CDH1: variants seen among roughly 807,000 people sequenced by gnomAD.
CDH1 encodes cadherin-1.
A neutral mutation model predicts 84.5 loss-of-function variants in CDH1; 35 were observed. The observed-to-expected ratio is 0.41, with a 90% CI of 0.32 to 0.55. The LOEUF (loss-of-function observed/expected upper bound fraction) is 0.55. Ranked by LOEUF, CDH1 falls within the 20% of genes least tolerant of loss-of-function variation. The probability of loss-of-function intolerance (pLI) is 0.19; values close to 1 mark genes in which losing one functional copy is unlikely to be tolerated. For missense variants in CDH1, 994 were observed against 1,126.6 expected (o/e 0.88, Z 1.68); for synonymous variants, 417 against 439.0 (o/e 0.95, Z 0.63).
intron 2 of CDH1, among the ~76,000 whole-genome samples, chr16:68,793,544 C>T (rs1960269193): frequency 6.6e-6 from 1 of 152,170 alleles, no homozygotes; most frequent in Non-Finnish European, 1.5e-5. Flanking sequence ...CAGCTTCCGT[C>T]ACTTCATAGC....
chr16:68,790,260 G>C (rs1960171886), intron 2 of CDH1, among the ~76,000 whole-genome samples: 1 of 152,138 alleles, frequency 6.6e-6, no homozygotes, highest in African/African-American at 2.4e-5. Flanking sequence ...GGGGCATCAG[G>C]GAGAGAGAGG....
At chr16:68,773,813 C>T (rs1331462026) in intron 2 of CDH1, among the ~76,000 whole-genome samples, 2 of 152,226 alleles carry the variant, frequency 1.3e-5, no homozygotes, top group African/African-American at 4.8e-5. Flanking sequence ...TGCCACAGGG[C>T]TCTTCCTGTT....
At chr16:68,819,768 C>T (rs4783689) in intron 11 of CDH1, among the ~76,000 whole-genome samples, 46,734 of 151,940 alleles carry the variant, frequency 0.31, 8,751 homozygotes, top group South Asian at 0.48. Flanking sequence ...TATCGAACTC[C>T]GACTTCTAAG....
At chr16:68,794,294 G>A (rs1405731716) in intron 2 of CDH1, among the ~76,000 whole-genome samples, 1 of 152,024 alleles carries the variant, frequency 6.6e-6, no homozygotes, top group Non-Finnish European at 1.5e-5. Context: ...TCTTGCCTCT[G>A]CCTCCCGAAG....
At chr16:68,827,780 C>T (rs1057011963) in intron 13 of CDH1, among the ~76,000 whole-genome samples, 3 of 152,064 alleles carry the variant, frequency 2.0e-5, no homozygotes, top group Non-Finnish European at 4.4e-5. Flanking sequence ...CTCTTCCCCT[C>T]ATGCACCCTG....
rs1961551218 is a variant in CDH1, at chr16:68,833,522, C to T, written c.*23C>T. On this transcript the variant is annotated 3_prime_UTR_variant, in exon 16 of 16. Transcript: ENST00000261769. ...TAGGGGACTCGAGAGAGGCGGGCCC[C>T]AGACCCATGTGCTGGGAAATGCAGA... is the stretch of plus-strand genomic sequence containing the variant. 6.3e-7 allele frequency: 1 copy of T among 1,587,742 alleles called. No homozygotes were observed. The highest frequency in any genetic ancestry group is 1.1e-5 in the South Asian group (1 of 90,504).
chr16:68,785,205 T>C (rs1328947949), intron 2 of CDH1, among the ~76,000 whole-genome samples: 2 of 152,176 alleles, frequency 1.3e-5, no homozygotes, highest in Non-Finnish European at 2.9e-5. Flanking sequence ...GTTCTTTTTT[T>C]CTTTGAGATG....
chr16:68,756,161 G>T (rs534542758), intron 2 of CDH1, among the ~76,000 whole-genome samples: 53 of 147,066 alleles, frequency 3.6e-4, no homozygotes, highest in South Asian at 4.3e-4. Context: ...GCATGTATAC[G>T]AGTGTTCCTA....
intron 2 of CDH1, chr16:68,765,084 A>G (rs1959328579): frequency 6.6e-6 from 1 of 152,230 alleles, no homozygotes; most frequent in African/African-American, 2.4e-5. Context: ...CTGAGCAGAA[A>G]ACAGATCCAG....
intron 15 of CDH1, among the ~76,000 whole-genome samples, chr16:68,830,058 G>A (rs1016756752): frequency 4.6e-5 from 7 of 150,766 alleles, no homozygotes; most frequent in South Asian, 2.1e-4. Context: ...GGGTTCAAGC[G>A]ATTCTCCTGC....
At chr16:68,830,041 T>C (rs906157885) in intron 15 of CDH1, among the ~76,000 whole-genome samples, 2 of 147,728 alleles carry the variant, frequency 1.4e-5, no homozygotes, top group Non-Finnish European at 3.0e-5. Flanking sequence ...CACCACAACC[T>C]CTGCCCGGGT....
intron 15 of CDH1, among the ~76,000 whole-genome samples, 162 bp downstream of exon 15, chr16:68,829,959 C>CTTT (rs35566564): frequency 9.3e-6 from 1 of 108,020 alleles, no homozygotes; most frequent in Non-Finnish European, 1.7e-5. Flanking sequence ...TTTTCTTTTT[C>CTTT]TTTTTTTTTT....
At chr16:68,809,082 C>A (rs1960749923) in intron 5 of CDH1, 2 of 556,204 alleles carry the variant, frequency 3.6e-6, no homozygotes, top group Non-Finnish European at 6.4e-6. Flanking sequence ...CCTCATACAA[C>A]CAGGACAAAT....
rs1394244235 is a variant in CDH1, at chr16:68,786,372, A to G, written c.164-15298A>G. 3.3e-5 allele frequency among the ~76,000 whole-genome samples: 5 copies of G among 151,962 alleles called. No individual in the cohort carries two copies. The East Asian group carries it at 9.7e-4, about 29-fold the overall frequency. On this transcript the variant is annotated intron_variant, in intron 2 of 15. Transcript: ENST00000261769. ...TTTTTAGTAGAGACAGGGTTTCACC[A>G]TGATGGTCAGGCTGGTCTCGAACCC...
intron 2 of CDH1, among the ~76,000 whole-genome samples, chr16:68,793,869 T>C (rs1044154131): frequency 6.7e-6 from 1 of 149,162 alleles, no homozygotes; most frequent in Non-Finnish European, 1.5e-5. Flanking sequence ...AGGCAGAAGT[T>C]GCAGTGAACT....
At position 68,834,056 on chromosome 16, in the gene CDH1, A is replaced by G; in HGVS notation, c.*557A>G. The G allele has an allele frequency of 2.7e-6, 1 of 376,464 alleles. No individual in the cohort carries two copies. Among genetic ancestry groups the G allele is most frequent in the Non-Finnish European group, 5.1e-6 (1 of 195,352 alleles). 23.3% of individuals were successfully genotyped at this position (376,464 alleles called of 1,614,324 possible). A position where few individuals can be genotyped will look rare whatever the true frequency, so the allele number is the denominator to read the frequency against. On this transcript the variant is annotated 3_prime_UTR_variant, in exon 16 of 16. Coordinates refer to ENST00000261769, the MANE Select transcript of CDH1 (RefSeq NM_004360.5). ...ACTGCAGCCTTGTCCTCCCAGGCTC[A>G]AGCTATCCTTGCACCTCAGCCTCCC...
rs376448995 is a variant in CDH1 at position 68,834,702 on chromosome 16, T to C, written c.*1203T>C. On this transcript the variant is annotated 3_prime_UTR_variant, in exon 16 of 16. Coordinates refer to ENST00000261769, the MANE Select transcript of CDH1 (RefSeq NM_004360.5). The stretch of plus-strand genomic sequence containing the variant: ...GCTTCCCTCTTTCATCTCCTGAGTA[T>C]GTAACTTGCAATGGGCAGCTATCCA... The C allele has an allele frequency of 4.3e-6, 1 of 234,936 alleles. No homozygotes were observed. The allele number at this position is 234,936 out of a possible 1,614,324, so 14.6% of individuals were successfully genotyped here. A position where few individuals can be genotyped will look rare whatever the true frequency, so the allele number is the denominator to read the frequency against.
chr16:68,832,816 G>A (rs1961519352), intron 15 of CDH1, among the ~76,000 whole-genome samples: 1 of 151,704 alleles, frequency 6.6e-6, no homozygotes, highest in Non-Finnish European at 1.5e-5. Flanking sequence ...GTGAAACCCT[G>A]TCTCTAAAAA....
intron 10 of CDH1, among the ~76,000 whole-genome samples, chr16:68,817,312 A>G (rs1961011438): frequency 6.6e-6 from 1 of 152,238 alleles, no homozygotes; most frequent in African/African-American, 2.4e-5. Context: ...AGGAGGTGGC[A>G]TGTTGCCACC....
Sources: allele counts gnomAD v4.1 joint callset (sites outside exome capture counted in the v4.1 genomes callset), GRCh38; gene constraint gnomAD v4.1.1; transcripts MANE v1.5; gene names NCBI Gene and HGNC (gene_info 2026-07-23, HGNC 2026-07-21).